The following OR56A1 variants were observed in gnomAD, a reference collection of about 807,000 sequenced individuals.
The protein encoded by OR56A1 is olfactory receptor family 56 subfamily A member 1.
For missense variants in OR56A1, 360 were observed against 380.9 expected (o/e 0.94, Z 0.46); for synonymous variants, 174 against 159.1 (o/e 1.09, Z -0.70).
At chr11:6,032,898 T>C (rs1381807938), upstream of OR56A1, among the ~76,000 whole-genome samples, 1 of 152,156 alleles carries the variant, frequency 6.6e-6, no homozygotes, top group African/African-American at 2.4e-5. Flanking sequence ...TACCAATTTA[T>C]CCAAACAGAA....
upstream of OR56A1, among the ~76,000 whole-genome samples, chr11:6,031,576 C>G (rs1299183006): frequency 6.6e-6 from 1 of 152,072 alleles, no homozygotes; most frequent in Non-Finnish European, 1.5e-5. Context: ...AACTTATTGA[C>G]AGATTTGTTT....
At chr11:6,031,783 T>C (rs1470707227), upstream of OR56A1, among the ~76,000 whole-genome samples, 1 of 151,964 alleles carries the variant, frequency 6.6e-6, no homozygotes, top group Non-Finnish European at 1.5e-5. Flanking sequence ...TTTGAGAAAA[T>C]TAGAAGGATC....
rs1298336148 is a variant in OR56A1 at position 6,021,358 on chromosome 11, C to T, written c.*5390G>A. ...AGAACTAAAGGATGATAATAGTCAA[C>T]AATATATTGTATATTTTCAAATAGC... is the stretch of plus-strand genomic sequence containing the variant. On this transcript the variant is annotated 3_prime_UTR_variant, in exon 2 of 2. Coordinates refer to ENST00000641900, the MANE Select transcript of OR56A1 (RefSeq NM_001388488.1). 6.6e-6 allele frequency: 1 copy of T among 151,914 alleles called. No individual in the cohort carries two copies. The highest frequency in any genetic ancestry group is 2.4e-5 in the African/African-American group (1 of 41,388). 9.4% of individuals were successfully genotyped at this position (151,914 alleles called of 1,614,324 possible). A position where few individuals can be genotyped will look rare whatever the true frequency, so the allele number is the denominator to read the frequency against.
chr11:6,026,416 T>G lies in OR56A1; in HGVS notation c.*332A>C. ...GGTTTTATTGTTTTTGCTTCCCACA[T>G]ATGTGATCTTTGGTCATTTCCCTTC... On this transcript the variant is annotated 3_prime_UTR_variant, in exon 2 of 2. Transcript: ENST00000641900. 4.4e-6 allele frequency: 1 copy of G among 228,864 alleles called. No individual in the cohort carries two copies. Among genetic ancestry groups the G allele is most frequent in the Non-Finnish European group, 8.6e-6 (1 of 116,232 alleles). The allele number at this position is 228,864 out of a possible 1,614,324, so 14.2% of individuals were successfully genotyped here.
Position 6,027,717 on chromosome 11 carries a change from C to T in OR56A1, c.-25G>A. Reference sequence around the variant, plus strand: ...TAGGCTGAATCATGAGCTGAGTAGGCTTCTGATGACTATGTTTATGGGCAG... The same window carrying T: ...TAGGCTGAATCATGAGCTGAGTAGGTTTCTGATGACTATGTTTATGGGCAG... On this transcript the variant is annotated 5_prime_UTR_variant, in exon 2 of 2. Transcript: ENST00000641900. 6.6e-7 allele frequency: 1 copy of T among 1,511,512 alleles called. No homozygotes were observed. Among genetic ancestry groups the T allele is most frequent in the Non-Finnish European group, 8.9e-7 (1 of 1,121,330 alleles). The allele number at this position is 1,511,512 out of a possible 1,614,324, so 93.6% of individuals were successfully genotyped here. A position where few individuals can be genotyped will look rare whatever the true frequency, so the allele number is the denominator to read the frequency against.
rs1466583251 is a variant in OR56A1 at position 6,025,997 on chromosome 11, C to T, written c.*751G>A. 6.6e-6 allele frequency: 1 copy of T among 152,180 alleles called. No homozygotes were observed. Among genetic ancestry groups the T allele is most frequent in the African/African-American group, 2.4e-5 (1 of 41,458 alleles). 9.4% of individuals were successfully genotyped at this position (152,180 alleles called of 1,614,324 possible). A position where few individuals can be genotyped will look rare whatever the true frequency, so the allele number is the denominator to read the frequency against. On this transcript the variant is annotated 3_prime_UTR_variant, in exon 2 of 2. Transcript: ENST00000641900. ...ATCAAGTAAGACTTGATATTCAGTT[C>T]ACTGAATGTGTAGCTTAAACATATA...
Position 6,027,564 on chromosome 11 carries a change from T to G in OR56A1, c.129A>C (p.Gly43=), listed in dbSNP as rs1191064590. 1 of 1,613,634 alleles carries G rather than the reference T, an allele frequency of 6.2e-7. No homozygotes were observed. Among genetic ancestry groups the G allele is most frequent in the Admixed American group, 1.7e-5 (1 of 59,972 alleles). ...PLSLLFLLAM[G]ANTTLLITIQ... is the part of the protein sequence containing the mutation. ...TGGTGATCAGGAGGGTGGTGTTAGCTCCCATGGCCAGGAGGAAGAGAAGGC... is the reference window on the plus strand; with the variant it reads ...TGGTGATCAGGAGGGTGGTGTTAGCGCCCATGGCCAGGAGGAAGAGAAGGC... Residue 43 remains glycine (G), a synonymous_variant, in exon 2 of 2, where the codon GGA becomes GGC. Transcript: ENST00000641900.
upstream of OR56A1, among the ~76,000 whole-genome samples, chr11:6,033,730 T>A (rs1260584112): frequency 6.6e-6 from 1 of 152,016 alleles, no homozygotes; most frequent in Non-Finnish European, 1.5e-5. Context: ...GAATGGCTAT[T>A]AGGGGAAAAG....
intron 1 of OR56A1, among the ~76,000 whole-genome samples, chr11:6,030,178 G>A (rs560249448): frequency 2.6e-5 from 4 of 152,080 alleles, no homozygotes; most frequent in African/African-American, 4.8e-5. Flanking sequence ...CTATTACCTC[G>A]AGTAAAAAGT....
upstream of OR56A1, among the ~76,000 whole-genome samples, chr11:6,031,875 G>A (rs1848516050): frequency 6.6e-6 from 1 of 151,990 alleles, no homozygotes; most frequent in Non-Finnish European, 1.5e-5. Context: ...TGGAACCCTA[G>A]AAAATAGTAA....
rs757964896 is a variant in OR56A1, at chr11:6,027,385, T to C, written c.308A>G (p.Gln103Arg). Reference sequence around the variant, plus strand: ...GAGGAAACTGTTCATGATGAACATCTGGAGGAAGCAGGCAGGGAAGCTGAT... The same window carrying C: ...GAGGAAACTGTTCATGATGAACATCCGGAGGAAGCAGGCAGGGAAGCTGAT... ...RSISFPACFL[Q>R]MFIMNSFLPM... The change falls in exon 2 of 2, where the codon CAG becomes CGG. Residue 103 changes from glutamine to arginine, a missense_variant. Transcript: ENST00000641900. 4.3e-6 allele frequency: 7 copies of C among 1,614,078 alleles called. No homozygotes were observed. Among genetic ancestry groups the C allele is most frequent in the Non-Finnish European group, 5.9e-6 (7 of 1,180,042 alleles).
In OR56A1 at chr11:6,026,988, C is replaced by G; in HGVS notation, c.705G>C (p.Gly235=). ...ATGTGCTCAGGGCCTTCACTGCCGC[C>G]CCCTCTGCTTTGAATCTAAGCACAG... ...LRAVLRFKAE[G]AAVKALSTCG... The change falls in exon 2 of 2, where the codon GGG becomes GGC. Residue 235 remains glycine, a synonymous_variant. Transcript: ENST00000641900. 6.2e-7 allele frequency: 1 copy of G among 1,613,988 alleles called. No homozygotes were observed. Among genetic ancestry groups the G allele is most frequent in the East Asian group, 2.2e-5 (1 of 44,862 alleles).
In OR56A1 at chr11:6,020,099, C is replaced by G. The variant is rs938062633; in HGVS notation, c.*6649G>C. 1 of 152,080 alleles carries G rather than the reference C, an allele frequency of 6.6e-6. No individual in the cohort carries two copies. The highest frequency in any genetic ancestry group is 6.6e-5 in the Admixed American group (1 of 15,248). 9.4% of individuals were successfully genotyped at this position (152,080 alleles called of 1,614,324 possible). A position where few individuals can be genotyped will look rare whatever the true frequency, so the allele number is the denominator to read the frequency against. The stretch of plus-strand genomic sequence containing the variant: ...ATTGACTCAGGTATCTCTCCTCCCC[C>G]ACCACATACTAACAACGGCATCTCT... On this transcript the variant is annotated 3_prime_UTR_variant, in exon 2 of 2. Transcript: ENST00000641900.
Position 6,023,128 on chromosome 11 carries a change from C to T in OR56A1, c.*3620G>A, listed in dbSNP as rs1277156511. 1 of 152,152 alleles carries T rather than the reference C, an allele frequency of 6.6e-6. No homozygotes were observed. Among genetic ancestry groups the T allele is most frequent in the African/African-American group, 2.4e-5 (1 of 41,432 alleles). 9.4% of individuals were successfully genotyped at this position (152,152 alleles called of 1,614,324 possible). The stretch of plus-strand genomic sequence containing the variant: ...TCAAACACCTGAGACTGAGAACTGG[C>T]ATTCAATACAGTACCGTTATTCCCA... On this transcript the variant is annotated 3_prime_UTR_variant, in exon 2 of 2. Transcript: ENST00000641900.
At chr11:6,033,975 C>G (rs1298201871), upstream of OR56A1, among the ~76,000 whole-genome samples, 1 of 152,150 alleles carries the variant, frequency 6.6e-6, no homozygotes, top group African/African-American at 2.4e-5. Context: ...TCTCTATACC[C>G]TTTATCCCAT....
Position 6,026,400 on chromosome 11 carries a change from GT to G in OR56A1, c.*347del. Reference sequence around the variant, plus strand: ...ATGTAGAAAGAGCCTAGGTTTTATTGTTTTTGCTTCCCACATATGTGATCTT... The same window carrying G: ...ATGTAGAAAGAGCCTAGGTTTTATTGTTTTGCTTCCCACATATGTGATCTT... On this transcript the variant is annotated 3_prime_UTR_variant, in exon 2 of 2. Transcript: ENST00000641900. The G allele has an allele frequency of 5.0e-6, 1 of 199,454 alleles. No individual in the cohort carries two copies. The highest frequency in any genetic ancestry group is 1.0e-5 in the Non-Finnish European group (1 of 97,554). 12.4% of individuals were successfully genotyped at this position (199,454 alleles called of 1,614,324 possible). A position where few individuals can be genotyped will look rare whatever the true frequency, so the allele number is the denominator to read the frequency against.
chr11:6,033,425 T>C (rs537688148), upstream of OR56A1, among the ~76,000 whole-genome samples: 1 of 151,010 alleles, frequency 6.6e-6, no homozygotes, highest in Admixed American at 6.6e-5. Context: ...GTATCTAGTA[T>C]GTACCAGACA....
At chr11:6,030,058 A>G (rs538109640) in intron 1 of OR56A1, among the ~76,000 whole-genome samples, 17 of 152,142 alleles carry the variant, frequency 1.1e-4, no homozygotes, top group Admixed American at 2.0e-4. Flanking sequence ...TATTCTACCC[A>G]TTGAAAATGA....
chr11:6,022,213 A>C lies in OR56A1; in HGVS notation c.*4535T>G, dbSNP rs4600187. On this transcript the variant is annotated 3_prime_UTR_variant, in exon 2 of 2. Transcript: ENST00000641900. ...TGATAGAGAAAGTGATGTGTCTCCT[A>C]GTTTGGGGCCCTAAAGCTTACAAAA... 0.34 allele frequency: 51,773 copies of C among 151,698 alleles called. 9,875 individuals carry two copies. The highest frequency in any genetic ancestry group is 0.92 in the East Asian group (4,722 of 5,126). The allele number at this position is 151,698 out of a possible 1,614,324, so 9.4% of individuals were successfully genotyped here.
Sources: gnomAD v4.1 joint callset for allele counts (sites outside exome capture counted in the v4.1 genomes callset) on GRCh38, gnomAD v4.1.1 for gene constraint, MANE v1.5 for transcripts, NCBI Gene and HGNC (gene_info 2026-07-23, HGNC 2026-07-21) for gene names.